SLC26A7: variants seen among roughly 807,000 people sequenced by gnomAD.
The protein encoded by SLC26A7 is solute carrier family 26 member 7, also known as anion exchange transporter.
Under a neutral mutation model 82.5 loss-of-function variants are expected in SLC26A7, and 59 were observed. The observed-to-expected ratio is 0.72, with a 90% CI of 0.58 to 0.89. The LOEUF (loss-of-function observed/expected upper bound fraction) is 0.89. Among genes scored for constraint, SLC26A7 ranks in the 40% least tolerant of loss-of-function variants. SLC26A7 has a pLI of 0.00. For synonymous variants in SLC26A7, 271 were observed against 274.3 expected, an observed-to-expected ratio of 0.99 and a Z score of 0.12; for missense variants, 820 against 793.0, an observed-to-expected ratio of 1.03 and a Z score of -0.41.
At chr8:91,312,291 C>A in intron 4 of SLC26A7, among the ~76,000 whole-genome samples, 1 of 152,196 alleles carries the variant, frequency 6.6e-6, no homozygotes, top group African/African-American at 2.4e-5. Flanking sequence ...AATTTCCTTC[C>A]TTTATAAGGT....
chr8:91,344,177 T>G, intron 9 of SLC26A7: 2 of 985,438 alleles, frequency 2.0e-6, no homozygotes, highest in Non-Finnish European at 2.4e-6. Flanking sequence ...AAACTAAACC[T>G]TTGATGATCT....
Position 91,260,437 on chromosome 8 carries a change from C to G in SLC26A7, c.193+10593C>G, listed in dbSNP as rs79989244. On this transcript the variant is annotated intron_variant, in intron 2 of 18. Coordinates refer to ENST00000276609, the MANE Select transcript of SLC26A7 (RefSeq NM_052832.4). ...TTTAGGTGGGGACACAGAGCTAAAC[C>G]ATATCAATTGCCTAAGCCATACGTT... 7.0e-3 allele frequency among the ~76,000 whole-genome samples: 1,071 copies of G among 152,206 alleles called. 10 individuals carry two copies. Among genetic ancestry groups the G allele is most frequent in the African/African-American group, 0.025 (1,022 of 41,556 alleles).
intron 3 of SLC26A7, among the ~76,000 whole-genome samples, chr8:91,294,759 A>G (rs986906588): frequency 1.3e-5 from 2 of 152,200 alleles, no homozygotes; most frequent in Non-Finnish European, 2.9e-5. Flanking sequence ...AGGGGAACAC[A>G]CTGAAAATGG....
At chr8:91,356,043 A>G (rs1287966570) in intron 11 of SLC26A7, among the ~76,000 whole-genome samples, 1 of 151,364 alleles carries the variant, frequency 6.6e-6, no homozygotes, top group Non-Finnish European at 1.5e-5. Flanking sequence ...CCATGTCCCT[A>G]CAAAGGACAT....
intron 2 of SLC26A7, among the ~76,000 whole-genome samples, chr8:91,278,866 A>T (rs1811477974): frequency 6.6e-6 from 1 of 151,776 alleles, no homozygotes; most frequent in Non-Finnish European, 1.5e-5. Context: ...CCTAACTGGA[A>T]TTTTTTGCCT....
At chr8:91,238,528 G>C (rs530244115) in intron 2 of SLC26A7, among the ~76,000 whole-genome samples, 35 of 148,822 alleles carry the variant, frequency 2.4e-4, no homozygotes, top group African/African-American at 7.9e-4. Flanking sequence ...CATGAGAAAG[G>C]TTTTATATAT....
rs1178743031 is a variant in SLC26A7 at position 91,395,274 on chromosome 8, AT to A, written c.*182del. ...AAAGAACTGCCAACTTTTTTTTCTC[AT>A]TTTTGTTAGTAAGAAGATTCGCTTA... On this transcript the variant is annotated 3_prime_UTR_variant, in exon 19 of 19. Transcript: ENST00000276609. 1.4e-6 allele frequency: 2 copies of A among 1,388,218 alleles called. No individual in the cohort carries two copies. The highest frequency in any genetic ancestry group is 3.1e-5 in the Admixed American group (1 of 32,522). The allele number at this position is 1,388,218 out of a possible 1,614,324, so 86.0% of individuals were successfully genotyped here. A position where few individuals can be genotyped will look rare whatever the true frequency, so the allele number is the denominator to read the frequency against.
chr8:91,235,623 G>A (rs1166275952), intron 2 of SLC26A7, among the ~76,000 whole-genome samples: 1 of 152,062 alleles, frequency 6.6e-6, no homozygotes, highest in East Asian at 1.9e-4. Flanking sequence ...ATTGTCTGGG[G>A]ATTTCAAAAG....
At chr8:91,317,697 A>G (rs1312319863) in intron 4 of SLC26A7, among the ~76,000 whole-genome samples, 1 of 152,134 alleles carries the variant, frequency 6.6e-6, no homozygotes, top group Non-Finnish European at 1.5e-5. Context: ...CCTACTGGGT[A>G]TAAAGTAGTG....
intron 3 of SLC26A7, among the ~76,000 whole-genome samples, chr8:91,291,200 C>T (rs1811859093): frequency 6.6e-6 from 1 of 152,008 alleles, no homozygotes; most frequent in East Asian, 1.9e-4. Context: ...GATATTATTA[C>T]CTTTACATTG....
At chr8:91,238,794 T>G (rs1810426945) in intron 2 of SLC26A7, among the ~76,000 whole-genome samples, 1 of 152,000 alleles carries the variant, frequency 6.6e-6, no homozygotes, top group Non-Finnish European at 1.5e-5. Flanking sequence ...TGCATAATTT[T>G]TAAAGCAACC....
At chr8:91,234,059 T>G (rs1810352059) in intron 2 of SLC26A7, among the ~76,000 whole-genome samples, 1 of 152,222 alleles carries the variant, frequency 6.6e-6, no homozygotes, top group Non-Finnish European at 1.5e-5. Context: ...TTAACACTGG[T>G]TTATGTGAAT....
intron 1 of SLC26A7, among the ~76,000 whole-genome samples, chr8:91,217,177 A>G (rs917784261): frequency 2.0e-5 from 3 of 152,104 alleles, no homozygotes; most frequent in Non-Finnish European, 4.4e-5. Context: ...TGTTTGCTGT[A>G]TATCTTTGTA....
At chr8:91,239,060 T>C (rs1586312815) in intron 2 of SLC26A7, among the ~76,000 whole-genome samples, 1 of 152,076 alleles carries the variant, frequency 6.6e-6, no homozygotes, top group Admixed American at 6.6e-5. Flanking sequence ...ATACCCAGAG[T>C]CAGTCTCTTA....
At chr8:91,366,504 G>C (rs866480746) in intron 13 of SLC26A7, 76 bp from the exon 14 acceptor site, 3 of 1,482,048 alleles carry the variant, frequency 2.0e-6, no homozygotes, top group Non-Finnish European at 1.8e-6. Context: ...ATAAAATTGA[G>C]TGACATTTAG....
intron 3 of SLC26A7, among the ~76,000 whole-genome samples, chr8:91,294,653 C>T (rs1811968734): frequency 1.3e-5 from 2 of 152,142 alleles, no homozygotes; most frequent in South Asian, 4.1e-4. Context: ...AATTTGCCAA[C>T]GCCTCTTTGA....
At chr8:91,394,168 A>G (rs548288339) in intron 18 of SLC26A7, 129 bp downstream of exon 18, 1 of 1,604,382 alleles carries the variant, frequency 6.2e-7, no homozygotes, top group East Asian at 2.2e-5. Flanking sequence ...ACCCCACCCC[A>G]CCTCAGACTT....
chr8:91,306,956 AAAAC>A (rs1215934223), intron 4 of SLC26A7, among the ~76,000 whole-genome samples: 9 of 149,904 alleles, frequency 6.0e-5, no homozygotes, highest in East Asian at 5.9e-4. Context: ...TTACAAGAAA[AAAAC>A]AAACAACCCC....
intron 6 of SLC26A7, among the ~76,000 whole-genome samples, chr8:91,337,349 G>A (rs951632508): frequency 1.3e-5 from 2 of 152,104 alleles, no homozygotes; most frequent in African/African-American, 2.4e-5. Flanking sequence ...GATAATTGAT[G>A]TGCCTCTTTT....
Sources: gnomAD v4.1 joint callset for allele counts (sites outside exome capture counted in the v4.1 genomes callset) on GRCh38, gnomAD v4.1.1 for gene constraint, MANE v1.5 for transcripts, NCBI Gene and HGNC (gene_info 2026-07-23, HGNC 2026-07-21) for gene names.